ASH1L: variants seen among roughly 807,000 people sequenced by gnomAD.
The protein encoded by ASH1L is histone-lysine N-methyltransferase ASH1L.
A neutral mutation model predicts 269.0 loss-of-function variants in ASH1L; 23 were observed. The ratio of observed to expected loss-of-function variants is 0.09; its 90% confidence interval spans 0.06 to 0.12. ASH1L has a LOEUF of 0.12. ASH1L is among the 10% of genes least tolerant of loss of function. The pLI is 1.00. For missense variants in ASH1L, 2,912 were observed against 3,567.8 expected (o/e 0.82, Z 4.68); for synonymous variants, 1,187 against 1,253.5 (o/e 0.95, Z 1.12).
rs1470701270 is a variant in ASH1L at position 155,338,112 on chromosome 1, A to C, written c.8780T>G (p.Leu2927Arg). The stretch of plus-strand genomic sequence containing the variant: ...ACCATTTTTTCCAGGGATTTTTTCA[A>C]GGAGATTGAGCAAGATCTGGTTGAG... Reference protein sequence around the residue: ...ERLNQILLNLLEKIPGKNAID... With the variant: ...ERLNQILLNLREKIPGKNAID... The change falls in exon 27 of 28, where the codon CTT (leucine) becomes CGT (arginine). Residue 2927 changes from leucine (L) to arginine (R), a missense_variant. Around this residue, in one of 13 missense-constraint regions of ASH1L, gnomAD observed 154 missense variants for 165.0 expected, o/e 0.93. Transcript: ENST00000392403. The C allele has an allele frequency of 1.2e-6, 2 of 1,612,818 alleles. No homozygotes were observed. The highest frequency in any genetic ancestry group is 1.7e-6 in the Non-Finnish European group (2 of 1,179,270).
At chr1:155,411,836 GAC>G (rs1039041559) in intron 6 of ASH1L, among the ~76,000 whole-genome samples, 4 of 151,286 alleles carry the variant, frequency 2.6e-5, no homozygotes, top group Non-Finnish European at 5.9e-5. Flanking sequence ...AAAGGAATGT[GAC>G]ACAGAGAGGC....
intron 1 of ASH1L, among the ~76,000 whole-genome samples, chr1:155,542,721 C>A (rs1473465815): frequency 3.3e-5 from 5 of 149,960 alleles, no homozygotes; most frequent in African/African-American, 1.2e-4. Context: ...ATTCTGTCAC[C>A]CAGGCTGGAG....
At chr1:155,346,360 GT>G in intron 21 of ASH1L, 22 bp downstream of exon 21, 1 of 1,610,892 alleles carries the variant, frequency 6.2e-7, no homozygotes, top group Non-Finnish European at 8.5e-7. Context: ...ATAGATCAGA[GT>G]TTTATCAGAG....
intron 2 of ASH1L, among the ~76,000 whole-genome samples, chr1:155,494,609 T>C (rs1667030355): frequency 6.6e-6 from 1 of 152,222 alleles, no homozygotes. Context: ...AATTAGGTTA[T>C]GCTGCGATGA....
At position 155,343,696 on chromosome 1, in the gene ASH1L, G is replaced by A. The variant is rs367725140; in HGVS notation, c.8028C>T (p.Gly2676=). Reference sequence around the variant, plus strand: ...GTCGATAGGACTGACGGACCGGGTGGCCATCAGGGGTGCGCCGACTATCCC... The same window carrying A: ...GTCGATAGGACTGACGGACCGGGTGACCATCAGGGGTGCGCCGACTATCCC... ...LMRDSRRTPD[G]HPVRQSYRLL... is the part of the protein sequence containing the mutation. The change falls in exon 23 of 28, where the codon GGC becomes GGT. Residue 2676 remains glycine (G), a synonymous_variant. Transcript: ENST00000392403. The surrounding 1 kb of genome is among the most constrained non-coding windows in gnomAD (Gnocchi z 6.1). 6.2e-7 allele frequency: 1 copy of A among 1,614,164 alleles called. No homozygotes were observed. Among genetic ancestry groups the A allele is most frequent in the Non-Finnish European group, 8.5e-7 (1 of 1,180,006 alleles).
intron 2 of ASH1L, among the ~76,000 whole-genome samples, chr1:155,487,275 AATTT>A (rs1666391490): frequency 6.6e-6 from 1 of 152,148 alleles, no homozygotes; most frequent in African/African-American, 2.4e-5. Context: ...AAAGAGGAAA[AATTT>A]ATTATGATAT....
rs113112083 is a variant in ASH1L, at chr1:155,513,043, T to C, written c.420+8057A>G. Among the ~76,000 whole-genome samples the C allele has an allele frequency of 6.9e-3, 1,049 of 151,700 alleles. 15 individuals carry two copies. Among genetic ancestry groups the C allele is most frequent in the African/African-American group, 0.025 (1,015 of 41,362 alleles). On this transcript the variant is annotated intron_variant, in intron 2 of 27. Coordinates refer to ENST00000392403, the MANE Select transcript of ASH1L (RefSeq NM_018489.3). The stretch of plus-strand genomic sequence containing the variant: ...CATCACTGCACTCCAACCTAGGCAA[T>C]AGCAAGATGCTGTCTCAAACAAACA...
At chr1:155,516,959 TTAAA>T (rs1248892721) in intron 2 of ASH1L, among the ~76,000 whole-genome samples, 1 of 152,102 alleles carries the variant, frequency 6.6e-6, no homozygotes, top group Non-Finnish European at 1.5e-5. Context: ...TAAGGAAATC[TTAAA>T]TAAACAAAAG....
Position 155,562,772 on chromosome 1 carries a change from C to T in ASH1L, c.-719G>A, listed in dbSNP as rs1260050675. 1.2e-6 allele frequency: 1 copy of T among 868,816 alleles called. No homozygotes were observed. Among genetic ancestry groups the T allele is most frequent in the Non-Finnish European group, 1.8e-6 (1 of 552,430 alleles). 53.8% of individuals were successfully genotyped at this position (868,816 alleles called of 1,614,324 possible). A position where few individuals can be genotyped will look rare whatever the true frequency, so the allele number is the denominator to read the frequency against. ...AAGCCGGCGCCGGCGCAGGCCCTCA[C>T]GCGTACCTTCAACGGCGCAAGCCCA... On this transcript the variant is annotated 5_prime_UTR_variant, in exon 1 of 28. In the 5' UTR this introduces an upstream ATG that the reference lacks. Transcript: ENST00000392403.
intron 1 of ASH1L, among the ~76,000 whole-genome samples, chr1:155,541,232 G>A (rs1400140087): frequency 1.3e-5 from 2 of 152,114 alleles, no homozygotes; most frequent in East Asian, 1.9e-4. Flanking sequence ...TCTATTGAAT[G>A]AGTAAACAAA....
intron 12 of ASH1L, among the ~76,000 whole-genome samples, chr1:155,365,434 G>A (rs1189239010): frequency 6.7e-6 from 1 of 149,608 alleles, no homozygotes; most frequent in African/African-American, 2.5e-5. Flanking sequence ...TTTTGGCCAG[G>A]CTAGTCTCGA....
intron 4 of ASH1L, among the ~76,000 whole-genome samples, chr1:155,448,008 C>A (rs1428539302): frequency 6.6e-6 from 1 of 152,122 alleles, no homozygotes; most frequent in Non-Finnish European, 1.5e-5. Context: ...TAGATTTAAG[C>A]CTTTCATCCA....
At chr1:155,416,152 T>A (rs1660190853) in intron 5 of ASH1L, among the ~76,000 whole-genome samples, 1 of 151,420 alleles carries the variant, frequency 6.6e-6, no homozygotes, top group Non-Finnish European at 1.5e-5. Context: ...ATTTTTTGAG[T>A]CGGAATCTTT....
intron 2 of ASH1L, 40 bp from the exon 3 acceptor site, chr1:155,482,489 C>T (rs374907123): frequency 6.4e-5 from 99 of 1,554,582 alleles, no homozygotes; most frequent in Non-Finnish European, 7.9e-5. Context: ...AGGGAGTAAA[C>T]CTTACACCAC....
In ASH1L at chr1:155,479,797, G is replaced by A; in HGVS notation, c.3073C>T (p.Leu1025Phe). 1 of 1,614,164 alleles carries A rather than the reference G, an allele frequency of 6.2e-7. No individual in the cohort carries two copies. The highest frequency in any genetic ancestry group is 1.1e-5 in the South Asian group (1 of 91,078). The change falls in exon 3 of 28, where the codon CTT (leucine) becomes TTT (phenylalanine). Residue 1025 changes from leucine (L) to phenylalanine (F), a missense_variant. Physicochemically the swap from Leu to Phe is conservative, Grantham distance 22. This residue lies in a region of ASH1L where 715 missense variants were observed against 721.0 expected (regional missense o/e 0.99). Transcript: ENST00000392403. ...AATTTAGAGCCAAATGTGGCAGCAAGACTTGATACCGTATTATGGAGTTTG... is the reference window on the plus strand; with the variant it reads ...AATTTAGAGCCAAATGTGGCAGCAAAACTTGATACCGTATTATGGAGTTTG... ...QSKLHNTVSSLAATFGSKLGQ... is the reference protein window; with the variant it reads ...QSKLHNTVSSFAATFGSKLGQ...
At chr1:155,381,655 A>G (rs1278476528) in intron 7 of ASH1L, among the ~76,000 whole-genome samples, 4 of 152,118 alleles carry the variant, frequency 2.6e-5, no homozygotes, top group Non-Finnish European at 5.9e-5. Context: ...CAGGCAGATC[A>G]CTTGAGGTCA....
intron 2 of ASH1L, among the ~76,000 whole-genome samples, chr1:155,491,753 T>G (rs184328774): frequency 6.6e-6 from 1 of 151,982 alleles, no homozygotes; most frequent in Non-Finnish European, 1.5e-5. Flanking sequence ...CACTGCAACC[T>G]CCGTCTCCTG....
chr1:155,553,214 C>T (rs1671334781), intron 1 of ASH1L, among the ~76,000 whole-genome samples: 3 of 152,132 alleles, frequency 2.0e-5, no homozygotes, highest in Non-Finnish European at 4.4e-5. Context: ...ACTAATTATA[C>T]ATTTTTAGAT....
At chr1:155,381,546 T>C (rs1434343813) in intron 7 of ASH1L, among the ~76,000 whole-genome samples, 1 of 148,140 alleles carries the variant, frequency 6.8e-6, no homozygotes, top group Non-Finnish European at 1.5e-5. Context: ...CGAGACTCCG[T>C]CTCAAAAAAA....
Sources: allele counts gnomAD v4.1 joint callset (sites outside exome capture counted in the v4.1 genomes callset), GRCh38; gene constraint gnomAD v4.1.1; regional missense constraint gnomAD v4.1.1; non-coding constraint Gnocchi (gnomAD v3.1); transcripts MANE v1.5; gene names NCBI Gene and HGNC (gene_info 2026-07-23, HGNC 2026-07-21).